Variants in SNTG1 observed in about 807,000 individuals in gnomAD.
The protein encoded by SNTG1 is gamma-1-syntrophin.
Under a neutral mutation model 74.7 loss-of-function variants are expected in SNTG1, and 39 were observed. That is an observed-to-expected ratio of 0.52 (90% CI 0.40 to 0.68). SNTG1 has a LOEUF of 0.68. Among genes scored for constraint, SNTG1 ranks in the 30% least tolerant of loss-of-function variants. The pLI is 0.00. For missense variants in SNTG1, 685 were observed against 609.5 expected, an observed-to-expected ratio of 1.12 and a Z score of -1.30; for synonymous variants, 254 against 217.1, an observed-to-expected ratio of 1.17 and a Z score of -1.49.
chr8:50,688,261 T>G (rs1235957819), intron 15 of SNTG1, among the ~76,000 whole-genome samples: 4 of 152,232 alleles, frequency 2.6e-5, no homozygotes, highest in Non-Finnish European at 5.9e-5. Context: ...TTTAGTTTAA[T>G]TAGATCCCAT....
intron 2 of SNTG1, among the ~76,000 whole-genome samples, chr8:50,345,991 T>C (rs1206201353): frequency 6.6e-6 from 1 of 152,238 alleles, no homozygotes; most frequent in African/African-American, 2.4e-5. Context: ...ATCGGTATTA[T>C]GTGAATATTT....
At chr8:50,537,522 G>T (rs1297024267) in intron 11 of SNTG1, among the ~76,000 whole-genome samples, 5 of 151,816 alleles carry the variant, frequency 3.3e-5, no homozygotes, top group Non-Finnish European at 2.9e-5. Flanking sequence ...TTTTTATCTT[G>T]ATCAGTTTTG....
intron 2 of SNTG1, among the ~76,000 whole-genome samples, chr8:50,305,627 G>A (rs2089859437): frequency 6.7e-6 from 1 of 150,072 alleles, no homozygotes; most frequent in African/African-American, 2.4e-5. Context: ...TTTCCAATGT[G>A]GAATTTCACT....
intron 2 of SNTG1, among the ~76,000 whole-genome samples, chr8:50,293,112 T>C (rs4873144): frequency 0.89 from 135,792 of 152,142 alleles, 62,606 homozygotes; most frequent in East Asian, 1. Context: ...CATTATAGAA[T>C]TGGGACATCC....
chr8:49,989,399 A>G (rs1200746750), intron 1 of SNTG1, among the ~76,000 whole-genome samples: 1 of 151,998 alleles, frequency 6.6e-6, no homozygotes, highest in Non-Finnish European at 1.5e-5. Flanking sequence ...AATTGACTCA[A>G]AAAACAGAAA....
At chr8:50,608,024 T>G (rs1563641611) in intron 13 of SNTG1, among the ~76,000 whole-genome samples, 1 of 151,648 alleles carries the variant, frequency 6.6e-6, no homozygotes, top group Non-Finnish European at 1.5e-5. Context: ...CCTATTTTAT[T>G]TATTTTTTAA....
At chr8:50,611,988 G>A (rs2094853607) in intron 13 of SNTG1, among the ~76,000 whole-genome samples, 4 of 152,052 alleles carry the variant, frequency 2.6e-5, no homozygotes, top group Admixed American at 6.6e-5. Context: ...GAACTCCTGG[G>A]TTCAAACGGT....
chr8:50,737,716 C>G (rs1234227378), intron 17 of SNTG1, among the ~76,000 whole-genome samples: 1 of 152,262 alleles, frequency 6.6e-6, no homozygotes, highest in South Asian at 2.1e-4. Context: ...CCACCATGAT[C>G]ACGTCGGCTT....
chr8:50,316,248 G>C (rs1015522533), intron 2 of SNTG1, among the ~76,000 whole-genome samples: 22 of 152,244 alleles, frequency 1.4e-4, no homozygotes, highest in African/African-American at 5.1e-4. Flanking sequence ...GATGATGCCA[G>C]AGCACATTTG....
rs994029641 is a variant in SNTG1 at position 50,312,700 on chromosome 8, T to C, written c.-27-81512T>C. On this transcript the variant is annotated intron_variant, in intron 2 of 18. Transcript: ENST00000642720. The stretch of plus-strand genomic sequence containing the variant: ...TACTAAACTTCCACATGGCAAAATA[T>C]GTTCATCTCTACGTTTTCTCAATTC... Among the ~76,000 whole-genome samples the C allele has an allele frequency of 7.3e-5, 11 of 150,024 alleles. 1 individual carries two copies. In the Admixed American group the frequency reaches 7.4e-4, roughly 10 times the overall value.
chr8:50,254,657 C>T (rs1323488169), intron 2 of SNTG1, among the ~76,000 whole-genome samples: 1 of 152,068 alleles, frequency 6.6e-6, no homozygotes, highest in Non-Finnish European at 1.5e-5. Flanking sequence ...GCCAGGCTGG[C>T]CAACATGGGG....
intron 4 of SNTG1, among the ~76,000 whole-genome samples, chr8:50,435,026 T>C (rs60857053): frequency 0.028 from 4,238 of 152,220 alleles, 184 homozygotes; most frequent in African/African-American, 0.096. Context: ...TCTTCCAATA[T>C]AGTTCATACA....
At chr8:50,632,201 A>T (rs567197120) in intron 13 of SNTG1, among the ~76,000 whole-genome samples, 1 of 152,200 alleles carries the variant, frequency 6.6e-6, no homozygotes, top group African/African-American at 2.4e-5. Context: ...GCCTTAAAGG[A>T]TGGGTAAAAG....
At chr8:50,154,463 G>C (rs2082186489) in intron 1 of SNTG1, among the ~76,000 whole-genome samples, 1 of 152,232 alleles carries the variant, frequency 6.6e-6, no homozygotes, top group East Asian at 1.9e-4. Flanking sequence ...ACGTGCCCCA[G>C]TGAGATGAAC....
intron 12 of SNTG1, among the ~76,000 whole-genome samples, chr8:50,585,992 C>T (rs958479037): frequency 6.6e-6 from 1 of 152,094 alleles, no homozygotes; most frequent in African/African-American, 2.4e-5. Flanking sequence ...CCACCAGTGC[C>T]ACTTATGAGA....
At chr8:50,608,410 T>C (rs1215996990) in intron 13 of SNTG1, among the ~76,000 whole-genome samples, 2 of 151,978 alleles carry the variant, frequency 1.3e-5, no homozygotes, top group Non-Finnish European at 3.0e-5. Flanking sequence ...ATAACTGTTA[T>C]GTATTCAAAA....
intron 1 of SNTG1, among the ~76,000 whole-genome samples, chr8:49,984,012 T>G (rs1812925295): frequency 6.6e-6 from 1 of 152,200 alleles, no homozygotes. Context: ...ACTGTATTTC[T>G]TACTATCCAT....
intron 13 of SNTG1, among the ~76,000 whole-genome samples, chr8:50,595,679 G>T (rs73587025): frequency 0.023 from 3,477 of 151,996 alleles, 128 homozygotes; most frequent in African/African-American, 0.079. Context: ...TAGCAAAATT[G>T]TCTTGTTTTA....
intron 12 of SNTG1, among the ~76,000 whole-genome samples, chr8:50,588,469 A>G (rs1313726000): frequency 2.0e-5 from 3 of 152,154 alleles, no homozygotes; most frequent in Non-Finnish European, 4.4e-5. Context: ...TGCAGTCAGT[A>G]GTTTGGTTAG....
Sources: allele counts gnomAD v4.1 joint callset (sites outside exome capture counted in the v4.1 genomes callset), GRCh38; gene constraint gnomAD v4.1.1; transcripts MANE v1.5; gene names NCBI Gene and HGNC (gene_info 2026-07-23, HGNC 2026-07-21).